SF1: variants seen among roughly 807,000 people sequenced by gnomAD.
SF1 encodes branch point-binding protein.
Under a neutral mutation model 62.5 loss-of-function variants are expected in SF1, and 7 were observed. That is an observed-to-expected ratio of 0.11 (90% CI 0.06 to 0.21). The LOEUF is 0.21. Among genes scored for constraint, SF1 ranks in the 10% least tolerant of loss-of-function variants. The pLI is 1.00. For synonymous variants in SF1, 394 were observed against 323.6 expected (o/e 1.22, Z -2.33); for missense variants, 578 against 884.0 (o/e 0.65, Z 4.39).
At position 64,772,224 on chromosome 11, in the gene SF1, C is replaced by T. The variant is rs998721595; in HGVS notation, c.236+1206G>A. 3 of 985,020 alleles carry T rather than the reference C, an allele frequency of 3.0e-6. No individual in the cohort carries two copies. The African/African-American group carries it at 5.3e-5, about 17-fold the overall frequency. 61.0% of individuals were successfully genotyped at this position (985,020 alleles called of 1,614,324 possible). ...AAAGAAGGTTTGTTAAAAATTCAAC[C>T]TTTGGAGGAATTGACTGGTGACCTG... On this transcript the variant is annotated intron_variant, in intron 3 of 12. Transcript: ENST00000377390.
At chr11:64,766,554 C>T in intron 12 of SF1, 1 of 417,376 alleles carries the variant, frequency 2.4e-6, no homozygotes, top group Non-Finnish European at 4.3e-6. Flanking sequence ...GCAGCCCTTG[C>T]CAGAGCAAGC....
intron 3 of SF1, 89 bp downstream of exon 3, chr11:64,773,341 T>C (rs1411659159): frequency 2.6e-6 from 4 of 1,547,872 alleles, no homozygotes; most frequent in Non-Finnish European, 2.6e-6. Flanking sequence ...TATGATTTTA[T>C]TGAACTGACA....
rs1473166100 is a variant in SF1 at position 64,764,808 on chromosome 11, C to T, written c.*1010G>A. 2.0e-5 allele frequency: 3 copies of T among 152,696 alleles called. No homozygotes were observed. The South Asian group carries it at 6.2e-4, about 32-fold the overall frequency. The allele number at this position is 152,696 out of a possible 1,614,324, so 9.5% of individuals were successfully genotyped here. A position where few individuals can be genotyped will look rare whatever the true frequency, so the allele number is the denominator to read the frequency against. On this transcript the variant is annotated 3_prime_UTR_variant, in exon 13 of 13. Coordinates refer to ENST00000377390, the MANE Select transcript of SF1 (RefSeq NM_004630.4). ...AAGGAGAATGAACAAGGGGCTCAAA[C>T]CCCTACACACTGCAAAACATTCAGA... is the stretch of plus-strand genomic sequence containing the variant.
intron 1 of SF1, among the ~76,000 whole-genome samples, chr11:64,777,316 C>T (rs920012768): frequency 4.6e-5 from 7 of 152,292 alleles, no homozygotes; most frequent in Admixed American, 1.3e-4. Context: ...ACAAAAGAGT[C>T]CTTCTATTTC....
chr11:64,771,004 A>G (rs994609409), intron 3 of SF1, among the ~76,000 whole-genome samples: 2 of 152,184 alleles, frequency 1.3e-5, no homozygotes, highest in African/African-American at 4.8e-5. Flanking sequence ...GGCTGTGTCC[A>G]AGGCCCAGGA....
At chr11:64,777,589 G>A (rs1169264378) in intron 1 of SF1, 2 of 985,432 alleles carry the variant, frequency 2.0e-6, no homozygotes, top group Non-Finnish European at 2.4e-6. Context: ...CCAGAAGGGA[G>A]TCGCTGCACG....
At chr11:64,776,439 T>C in intron 2 of SF1, 59 bp downstream of exon 2, 1 of 1,545,182 alleles carries the variant, frequency 6.5e-7, no homozygotes, top group Non-Finnish European at 8.8e-7. Context: ...AATGCAGATC[T>C]TGCTCAGAAT....
In SF1 at chr11:64,778,281, G is replaced by A. The variant is rs1272259833; in HGVS notation, c.31+81C>T. On this transcript the variant is annotated intron_variant, in intron 1 of 12. Coordinates refer to ENST00000377390, the MANE Select transcript of SF1 (RefSeq NM_004630.4). ...CCGGGAGCCAGCAGCCCCGCCCCAG[G>A]CCCGGGTGCAGGCGGAGGGCCCGGC... is the stretch of plus-strand genomic sequence containing the variant. The A allele has an allele frequency of 5.7e-6, 7 of 1,217,708 alleles. No individual in the cohort carries two copies. Among genetic ancestry groups the A allele is most frequent in the Middle Eastern group, 3.1e-4 (1 of 3,206 alleles). The allele number at this position is 1,217,708 out of a possible 1,614,324, so 75.4% of individuals were successfully genotyped here.
rs542155651 is a variant in SF1 at position 64,764,667 on chromosome 11, T to C, written c.*1151A>G. ...ATCCCCGCTTTAGCGCAGTGTTGAA[T>C]CTAACACCGAAAAAAGCCCAGAGAA... On this transcript the variant is annotated 3_prime_UTR_variant, in exon 13 of 13. Coordinates refer to ENST00000377390, the MANE Select transcript of SF1 (RefSeq NM_004630.4). The C allele has an allele frequency of 3.9e-5, 6 of 152,650 alleles. No homozygotes were observed. The highest frequency in any genetic ancestry group is 1.2e-4 in the African/African-American group (5 of 41,538). The allele number at this position is 152,650 out of a possible 1,614,324, so 9.5% of individuals were successfully genotyped here.
Position 64,765,940 on chromosome 11 carries a change from G to T in SF1, c.1798C>A (p.Pro600Thr). 1.3e-6 allele frequency: 2 copies of T among 1,572,344 alleles called. No individual in the cohort carries two copies. The highest frequency in any genetic ancestry group is 1.7e-6 in the Non-Finnish European group (2 of 1,159,044). The change falls in exon 13 of 13, where the codon CCC (proline) becomes ACC (threonine). Residue 600 changes from proline to threonine, a missense_variant. This residue lies in a region of SF1 where 410 missense variants were observed against 452.4 expected (regional missense o/e 0.91). Transcript: ENST00000377390. ...TCCATGGGAGGCGGAGGAGGAGGGG[G>T]CGGGGCATACATCATGCCGGCGGAA... is the stretch of plus-strand genomic sequence containing the variant. Reference protein sequence around the residue: ...PGSAGMMYAPPPPPPPPMDPS... With the variant: ...PGSAGMMYAPTPPPPPPMDPS...
chr11:64,774,981 T>C (rs1938941759), intron 2 of SF1, among the ~76,000 whole-genome samples: 1 of 147,468 alleles, frequency 6.8e-6, no homozygotes, highest in African/African-American at 2.5e-5. Context: ...AAAAAAAAGA[T>C]ATTGAGGGCA....
chr11:64,767,405 T>C (rs2058756560), intron 10 of SF1, 154 bp from the exon 11 acceptor site: 3 of 1,032,980 alleles, frequency 2.9e-6, no homozygotes, highest in Non-Finnish European at 4.4e-6. Context: ...AATCACTCCC[T>C]GAACCAGAAT....
chr11:64,778,442 T>C lies in SF1; in HGVS notation c.-50A>G, dbSNP rs1269773242. ...CACCTGCTTTTCCTCTGCGGCGGCT[T>C]CTCCTTCGCAAGCCTCCCGGGGGGA... On this transcript the variant is annotated 5_prime_UTR_variant, in exon 1 of 13. Coordinates refer to ENST00000377390, the MANE Select transcript of SF1 (RefSeq NM_004630.4). The C allele has an allele frequency of 1.2e-5, 14 of 1,216,266 alleles. No individual in the cohort carries two copies. Among genetic ancestry groups the C allele is most frequent in the Non-Finnish European group, 1.4e-5 (14 of 977,294 alleles). The allele number at this position is 1,216,266 out of a possible 1,614,324, so 75.3% of individuals were successfully genotyped here.
At chr11:64,772,540 T>TA in intron 3 of SF1, 1 of 985,252 alleles carries the variant, frequency 1.0e-6, no homozygotes, top group Non-Finnish European at 1.2e-6. Flanking sequence ...AATAAGCTAT[T>TA]AACTGGGTAA....
At chr11:64,772,743 G>T in intron 3 of SF1, 1 of 985,280 alleles carries the variant, frequency 1.0e-6, no homozygotes, top group Non-Finnish European at 1.2e-6. Flanking sequence ...TCTGAGGTGA[G>T]AGAAACTGCA....
intron 3 of SF1, chr11:64,772,254 C>T (rs1938439599): frequency 5.1e-6 from 5 of 983,104 alleles, no homozygotes; most frequent in Non-Finnish European, 6.0e-6. Flanking sequence ...GACCTGTAGA[C>T]ATATTATTAA....
Position 64,777,394 on chromosome 11 carries a change from G to A in SF1, c.32-768C>T, listed in dbSNP as rs573139455. The A allele has an allele frequency of 3.9e-5, 23 of 588,008 alleles. No homozygotes were observed. In the African/African-American group the frequency reaches 4.2e-4, roughly 11 times the overall value. 36.4% of individuals were successfully genotyped at this position (588,008 alleles called of 1,614,324 possible). ...GCGACAGGGCAGCCGATCAGACTGA[G>A]ATCTAAACATACTGAACAGATTTAA... On this transcript the variant is annotated intron_variant, in intron 1 of 12. Coordinates refer to ENST00000377390, the MANE Select transcript of SF1 (RefSeq NM_004630.4).
Position 64,765,505 on chromosome 11 carries a change from C to A in SF1, c.*313G>T. On this transcript the variant is annotated 3_prime_UTR_variant, in exon 13 of 13. Coordinates refer to ENST00000377390, the MANE Select transcript of SF1 (RefSeq NM_004630.4). ...CTCTCATGGCTCGGGCCATCGCCGCCGCGGGGAGGGATCCTGGCGGCCCGG... is the reference window on the plus strand; with the variant it reads ...CTCTCATGGCTCGGGCCATCGCCGCAGCGGGGAGGGATCCTGGCGGCCCGG... 6.2e-7 allele frequency: 1 copy of A among 1,609,776 alleles called. No individual in the cohort carries two copies. Among genetic ancestry groups the A allele is most frequent in the Non-Finnish European group, 8.5e-7 (1 of 1,178,256 alleles).
chr11:64,772,411 G>A (rs947437082), intron 3 of SF1: 19 of 984,920 alleles, frequency 1.9e-5, no homozygotes, highest in South Asian at 4.7e-5. Context: ...AGCAAATGTA[G>A]TAAGTCAAAT....
Sources: allele counts gnomAD v4.1 joint callset (sites outside exome capture counted in the v4.1 genomes callset), GRCh38; gene constraint gnomAD v4.1.1; regional missense constraint gnomAD v4.1.1; transcripts MANE v1.5; gene names NCBI Gene and HGNC (gene_info 2026-07-23, HGNC 2026-07-21).